Variants in RASSF8 observed in about 807,000 individuals in gnomAD.
The protein encoded by RASSF8 is ras association domain-containing protein 8.
Under a neutral mutation model 48.5 loss-of-function variants are expected in RASSF8, and 22 were observed. The observed-to-expected ratio is 0.45, with a 90% CI of 0.32 to 0.65. The LOEUF (loss-of-function observed/expected upper bound fraction) is 0.65. RASSF8 is among the 30% of genes least tolerant of loss of function. The probability of loss-of-function intolerance (pLI) is 0.03; values close to 1 mark genes in which losing one functional copy is unlikely to be tolerated. For synonymous variants in RASSF8, 127 were observed against 171.5 expected, an observed-to-expected ratio of 0.74 and a Z score of 2.03; for missense variants, 418 against 489.2, an observed-to-expected ratio of 0.85 and a Z score of 1.37.
chr12:25,992,483 G>T (rs183628153), intron 1 of RASSF8, among the ~76,000 whole-genome samples: 13 of 152,346 alleles, frequency 8.5e-5, no homozygotes, highest in African/African-American at 2.2e-4. Flanking sequence ...CTAAGTGTCA[G>T]CCACTTGAGA....
At chr12:26,078,958 T>A (rs1944094338) in intron 5 of RASSF8, 1 of 1,404,576 alleles carries the variant, frequency 7.1e-7, no homozygotes, top group Non-Finnish European at 9.4e-7. Context: ...ATTGAGATCA[T>A]GATTATGTAT....
intron 2 of RASSF8, among the ~76,000 whole-genome samples, chr12:26,012,992 A>AGCTGTGCCAGTTT (rs1373673643): frequency 1.4e-4 from 22 of 152,212 alleles, no homozygotes; most frequent in African/African-American, 5.3e-4. Context: ...GAGTTTTAAG[A>AGCTGTGCCAGTTT]GCTGTGCCAG....
chr12:26,048,857 G>A (rs1441029188), intron 2 of RASSF8, among the ~76,000 whole-genome samples: 1 of 152,022 alleles, frequency 6.6e-6, no homozygotes, highest in Non-Finnish European at 1.5e-5. Flanking sequence ...ATGTTAAAGC[G>A]ATTCTCCTGC....
At chr12:25,986,900 G>T (rs1941891693) in intron 1 of RASSF8, among the ~76,000 whole-genome samples, 1 of 149,790 alleles carries the variant, frequency 6.7e-6, no homozygotes, top group African/African-American at 2.5e-5. Flanking sequence ...TGTAACTTGG[G>T]GCAGGATTGA....
intron 1 of RASSF8, among the ~76,000 whole-genome samples, chr12:25,988,365 C>T (rs944147799): frequency 1.3e-5 from 2 of 152,020 alleles, no homozygotes; most frequent in Admixed American, 6.5e-5. Flanking sequence ...TGTCTGGTAG[C>T]AGTCCTATTA....
At position 26,067,675 on chromosome 12, in the gene RASSF8, C is replaced by G; in HGVS notation, c.1100C>G (p.Pro367Arg). The change falls in exon 5 of 6, where the codon CCC becomes CGC. Residue 367 changes from proline (P) to arginine (R), a missense_variant. Physicochemically the swap from Pro to Arg is moderately radical, Grantham distance 103. Transcript: ENST00000689635. ...GTKVTVLPAEPIEIEASHADI... is the reference protein window; with the variant it reads ...GTKVTVLPAERIEIEASHADI... ...AAAGTTACCGTTTTGCCAGCGGAGC[C>G]CATTGAAATAGAGGCCTCACATGCA... 1 of 1,614,118 alleles carries G rather than the reference C, an allele frequency of 6.2e-7. No individual in the cohort carries two copies. The highest frequency in any genetic ancestry group is 8.5e-7 in the Non-Finnish European group (1 of 1,180,018).
At chr12:25,977,862 T>G (rs138224433) in intron 1 of RASSF8, among the ~76,000 whole-genome samples, 60 of 152,256 alleles carry the variant, frequency 3.9e-4, no homozygotes, top group African/African-American at 1.4e-3. Context: ...TAGTGACAGG[T>G]GGGATTGACA....
chr12:26,005,294 G>A (rs567165183), intron 2 of RASSF8, among the ~76,000 whole-genome samples: 2 of 152,248 alleles, frequency 1.3e-5, no homozygotes, highest in African/African-American at 4.8e-5. Context: ...GAATTGGTGA[G>A]AGTTTGGTGA....
intron 1 of RASSF8, among the ~76,000 whole-genome samples, chr12:25,989,145 A>T (rs1340296969): frequency 6.6e-6 from 1 of 152,114 alleles, no homozygotes; most frequent in Non-Finnish European, 1.5e-5. Flanking sequence ...TTCCCTCCCA[A>T]CATTTCTGCC....
chr12:26,055,496 G>T (rs374683911), intron 3 of RASSF8, 50 bp downstream of exon 3: 3 of 1,417,532 alleles, frequency 2.1e-6, no homozygotes, highest in East Asian at 2.3e-5. Flanking sequence ...GCTTTCTTTC[G>T]TTGTATGTGT....
At chr12:25,995,300 AGTAT>A (rs1470838933) in intron 2 of RASSF8, among the ~76,000 whole-genome samples, 170 bp downstream of exon 2, 1 of 152,230 alleles carries the variant, frequency 6.6e-6, no homozygotes, top group Non-Finnish European at 1.5e-5. Flanking sequence ...AGAAGGACTA[AGTAT>A]AGGTGGTGAT....
At chr12:26,014,704 T>A (rs1942606285) in intron 2 of RASSF8, among the ~76,000 whole-genome samples, 1 of 152,194 alleles carries the variant, frequency 6.6e-6, no homozygotes, top group African/African-American at 2.4e-5. Flanking sequence ...TCTTTTTATA[T>A]AATTAGCAGA....
chr12:26,069,502 T>C lies in RASSF8; in HGVS notation c.*684T>C. 1.0e-6 allele frequency: 1 copy of C among 985,444 alleles called. No individual in the cohort carries two copies. The highest frequency in any genetic ancestry group is 1.7e-5 in the African/African-American group (1 of 57,378). 61.0% of individuals were successfully genotyped at this position (985,444 alleles called of 1,614,324 possible). On this transcript the variant is annotated 3_prime_UTR_variant, in exon 6 of 6. Coordinates refer to ENST00000689635, the MANE Select transcript of RASSF8 (RefSeq NM_001394098.1). ...GTGTGGCCACAGAGCATAACAGATA[T>C]TTTTCATAAGCTAAATTGTATGTAT...
At chr12:25,962,415 T>C (rs942946780) in intron 1 of RASSF8, among the ~76,000 whole-genome samples, 2 of 152,232 alleles carry the variant, frequency 1.3e-5, no homozygotes, top group Non-Finnish European at 2.9e-5. Context: ...TAATCACTTT[T>C]GCTTCTGAAT....
chr12:25,971,522 A>G (rs1256607465), intron 1 of RASSF8, among the ~76,000 whole-genome samples: 1 of 152,108 alleles, frequency 6.6e-6, no homozygotes, highest in Non-Finnish European at 1.5e-5. Context: ...TAATGCTTGT[A>G]CTTCATCCTT....
At chr12:25,989,663 C>T (rs977702389) in intron 1 of RASSF8, among the ~76,000 whole-genome samples, 1 of 152,206 alleles carries the variant, frequency 6.6e-6, no homozygotes, top group Non-Finnish European at 1.5e-5. Context: ...CTTGTCTTAT[C>T]CCTTCTCCTC....
chr12:26,030,907 G>T (rs1311432750), intron 2 of RASSF8, among the ~76,000 whole-genome samples: 1 of 152,218 alleles, frequency 6.6e-6, no homozygotes, highest in East Asian at 1.9e-4. Context: ...TAGACAGTAC[G>T]TAAATGAATG....
intron 2 of RASSF8, among the ~76,000 whole-genome samples, chr12:26,033,710 G>C (rs1943074219): frequency 6.6e-6 from 1 of 151,972 alleles, no homozygotes; most frequent in African/African-American, 2.4e-5. Flanking sequence ...TCTTTGTGGA[G>C]GTGAAAACTG....
rs952385080 is a variant in RASSF8, at chr12:26,044,287, T to C, written c.-108-10949T>C. ...AAGCAATCTCTGCCAGGATGACTGC[T>C]TGTAGCAGTGCTTGAGTTTTGGTTT... On this transcript the variant is annotated intron_variant, in intron 2 of 5. Transcript: ENST00000689635. Among the ~76,000 whole-genome samples the C allele has an allele frequency of 1.3e-4, 20 of 152,308 alleles. No individual in the cohort carries two copies. The East Asian group carries it at 3.3e-3, about 25-fold the overall frequency.
Sources: allele counts gnomAD v4.1 joint callset (sites outside exome capture counted in the v4.1 genomes callset), GRCh38; gene constraint gnomAD v4.1.1; transcripts MANE v1.5; gene names NCBI Gene and HGNC (gene_info 2026-07-23, HGNC 2026-07-21).